The following LYN variants were observed in gnomAD, a reference collection of about 807,000 sequenced individuals.
LYN encodes tyrosine-protein kinase Lyn.
Under a neutral mutation model 65.0 loss-of-function variants are expected in LYN, and 12 were observed. That is an observed-to-expected ratio of 0.18 (90% confidence interval 0.12 to 0.30). The LOEUF is 0.30. LYN is among the 10% of genes least tolerant of loss of function. LYN has a pLI of 1.00. For synonymous variants in LYN, 222 were observed against 221.2 expected, an observed-to-expected ratio of 1.00 and a Z score of -0.03; for missense variants, 380 against 623.2, an observed-to-expected ratio of 0.61 and a Z score of 4.16.
At chr8:55,942,454 T>C (rs1422433686) in intron 2 of LYN, among the ~76,000 whole-genome samples, 1 of 148,842 alleles carries the variant, frequency 6.7e-6, no homozygotes, top group Admixed American at 6.8e-5. Context: ...TATATATATA[T>C]ATATACACAC....
In LYN at chr8:56,010,688, C is replaced by CTGT. The variant is rs2130605831; in HGVS notation, c.*580_*582dup. 4.3e-6 allele frequency: 1 copy of CTGT among 232,272 alleles called. No homozygotes were observed. Among genetic ancestry groups the CTGT allele is most frequent in the East Asian group, 6.3e-5 (1 of 15,916 alleles). The allele number at this position is 232,272 out of a possible 1,614,324, so 14.4% of individuals were successfully genotyped here. ...TCCCCCTACCTCCCAAAATCTGAGA[C>CTGT]TGTTAAAACATTTTTCTTCTATGAA... On this transcript the variant is annotated 3_prime_UTR_variant, in exon 13 of 13. Transcript: ENST00000519728.
chr8:55,934,546 T>C (rs367894940), intron 1 of LYN, among the ~76,000 whole-genome samples: 44 of 152,326 alleles, frequency 2.9e-4, no homozygotes, highest in African/African-American at 1.0e-3. Context: ...TGCAAGTGCA[T>C]GCAACTGGGA....
rs540292459 is a variant in LYN, at chr8:55,901,242, T to C, written c.-6+21139T>C. Among the ~76,000 whole-genome samples, 57 of 152,242 alleles carry C rather than the reference T, an allele frequency of 3.7e-4. No individual in the cohort carries two copies. In the South Asian group the frequency reaches 8.5e-3, roughly 23 times the overall value. ...TCCGATTAGAATAGCAGTTACAAAA[T>C]GGGTAAGACTTCACCTCGTCCTTTA... On this transcript the variant is annotated intron_variant, in intron 1 of 12. Transcript: ENST00000519728.
intron 10 of LYN, 77 bp from the exon 11 acceptor site, chr8:55,998,269 G>A: frequency 1.7e-6 from 2 of 1,165,726 alleles, no homozygotes; most frequent in Non-Finnish European, 2.5e-6. Flanking sequence ...GAATTCATAA[G>A]TTTTCCGGTT....
chr8:55,939,419 A>G (rs1005721729), intron 1 of LYN, among the ~76,000 whole-genome samples: 1 of 151,762 alleles, frequency 6.6e-6, no homozygotes, highest in Non-Finnish European at 1.5e-5. Flanking sequence ...CACCCCACCC[A>G]CATCCACCTG....
chr8:55,890,919 A>C (rs149138666), intron 1 of LYN, among the ~76,000 whole-genome samples: 1,813 of 151,844 alleles, frequency 0.012, 31 homozygotes, highest in African/African-American at 0.041. Flanking sequence ...TGTAGAGATA[A>C]GGTTTTGCCA....
Position 56,013,577 on chromosome 8 carries a change from T to TG in LYN, c.*3468dup, listed in dbSNP as rs1188056438. 1.3e-5 allele frequency: 2 copies of TG among 152,254 alleles called. No individual in the cohort carries two copies. Among genetic ancestry groups the TG allele is most frequent in the African/African-American group, 4.8e-5 (2 of 41,444 alleles). 9.4% of individuals were successfully genotyped at this position (152,254 alleles called of 1,614,324 possible). ...TGAGCCACTGTGCCCGGTCGGGGTC[T>TG]GCTTTCTCTTTATTCCCCGTCCTCT... On this transcript the variant is annotated 3_prime_UTR_variant, in exon 13 of 13. Coordinates refer to ENST00000519728, the MANE Select transcript of LYN (RefSeq NM_002350.4).
chr8:55,980,703 T>A (rs1165144764), intron 10 of LYN, among the ~76,000 whole-genome samples: 1 of 152,236 alleles, frequency 6.6e-6, no homozygotes, highest in Non-Finnish European at 1.5e-5. Flanking sequence ...TTGGCTACCC[T>A]CTTTCCAGGC....
chr8:55,919,022 CA>C (rs35663372), intron 1 of LYN, among the ~76,000 whole-genome samples: 256 of 62,732 alleles, frequency 4.1e-3, no homozygotes, highest in South Asian at 0.017. Flanking sequence ...CCTGTCTCTA[CA>C]AAAAAAAAAA....
At chr8:55,902,343 T>TC (rs1358040969) in intron 1 of LYN, among the ~76,000 whole-genome samples, 2 of 150,904 alleles carry the variant, frequency 1.3e-5, no homozygotes, top group Admixed American at 6.6e-5. Context: ...TTTTTTTTTT[T>TC]TTGAGATGGA....
At chr8:55,977,614 A>G (rs1248290573) in intron 10 of LYN, among the ~76,000 whole-genome samples, 1 of 152,060 alleles carries the variant, frequency 6.6e-6, no homozygotes, top group Non-Finnish European at 1.5e-5. Context: ...TTTGTGTTCT[A>G]GCCCAGAGCT....
At chr8:55,884,351 C>T (rs959517611) in intron 1 of LYN, among the ~76,000 whole-genome samples, 6 of 152,100 alleles carry the variant, frequency 3.9e-5, no homozygotes, top group East Asian at 1.9e-4. Flanking sequence ...GTGATCTGCC[C>T]GTCTCGTCCT....
chr8:55,966,456 C>A (rs1330559601), intron 8 of LYN, among the ~76,000 whole-genome samples: 1 of 152,044 alleles, frequency 6.6e-6, no homozygotes, highest in East Asian at 1.9e-4. Context: ...CAACCTCCAC[C>A]TCCTGGGTTC....
Position 55,925,179 on chromosome 8 carries a change from G to A in LYN, c.-5-16676G>A, listed in dbSNP as rs776671670. ...ACTCTGTTGCCCAGGCTAGGGTGCA[G>A]TGGTGCAATCACCGTTCACTGCCCC... On this transcript the variant is annotated intron_variant, in intron 1 of 12. Transcript: ENST00000519728. Among the ~76,000 whole-genome samples the A allele has an allele frequency of 8.9e-4, 136 of 152,180 alleles. 3 individuals are homozygous for A. The highest frequency in any genetic ancestry group is 7.9e-4 in the Non-Finnish European group (54 of 68,028).
Position 56,010,196 on chromosome 8 carries a change from C to T in LYN, c.*86C>T. ...CCATCACTGGTTGCACTTATGATTT[C>T]ATGTGCGGGGATCATCTGCCGTGCC... On this transcript the variant is annotated 3_prime_UTR_variant, in exon 13 of 13. Transcript: ENST00000519728. 1 of 1,342,462 alleles carries T rather than the reference C, an allele frequency of 7.4e-7. No individual in the cohort carries two copies. Among genetic ancestry groups the T allele is most frequent in the Non-Finnish European group, 1.1e-6 (1 of 945,928 alleles). 83.2% of individuals were successfully genotyped at this position (1,342,462 alleles called of 1,614,324 possible). A position where few individuals can be genotyped will look rare whatever the true frequency, so the allele number is the denominator to read the frequency against.
At chr8:55,911,520 C>G (rs1398078551) in intron 1 of LYN, among the ~76,000 whole-genome samples, 2 of 151,750 alleles carry the variant, frequency 1.3e-5, no homozygotes, top group African/African-American at 4.8e-5. Flanking sequence ...AGATGACTCT[C>G]CTGGTGACCC....
At chr8:55,931,619 T>TATC (rs1471426797) in intron 1 of LYN, among the ~76,000 whole-genome samples, 65 of 152,064 alleles carry the variant, frequency 4.3e-4, no homozygotes, top group Non-Finnish European at 6.2e-4. Context: ...CACAAAATGA[T>TATC]ATCATGCTAT....
rs2130606786 is a variant in LYN, at chr8:56,011,187, A to C, written c.*1077A>C. The C allele has an allele frequency of 4.4e-6, 1 of 228,164 alleles. No homozygotes were observed. The highest frequency in any genetic ancestry group is 6.3e-5 in the East Asian group (1 of 15,852). The allele number at this position is 228,164 out of a possible 1,614,324, so 14.1% of individuals were successfully genotyped here. ...GAGACTATTTATACCCAAGGATATG[A>C]AGGAACATAAGTGACTACAAGGCTC... On this transcript the variant is annotated 3_prime_UTR_variant, in exon 13 of 13. Coordinates refer to ENST00000519728, the MANE Select transcript of LYN (RefSeq NM_002350.4).
intron 10 of LYN, among the ~76,000 whole-genome samples, chr8:55,971,164 G>A (rs1807598960): frequency 6.6e-6 from 1 of 152,230 alleles, no homozygotes; most frequent in Admixed American, 6.5e-5. Context: ...TAATAAGAAA[G>A]AAGCATAATT....
Sources: allele counts gnomAD v4.1 joint callset (sites outside exome capture counted in the v4.1 genomes callset), GRCh38; gene constraint gnomAD v4.1.1; transcripts MANE v1.5; gene names NCBI Gene and HGNC (gene_info 2026-07-23, HGNC 2026-07-21).